Variants in CDK8 observed in about 807,000 individuals in gnomAD.
The protein encoded by CDK8 is cyclin dependent kinase 8, also known as cyclin-dependent kinase 8.
CDK8 carries 29 observed loss-of-function variants against 71.5 expected under a neutral mutation model. The ratio of observed to expected loss-of-function variants is 0.41; its 90% CI spans 0.30 to 0.55. The LOEUF (loss-of-function observed/expected upper bound fraction) is 0.55. Among genes scored for constraint, CDK8 ranks in the 20% least tolerant of loss-of-function variants. CDK8 has a pLI of 0.37. For synonymous variants in CDK8, 161 were observed against 192.1 expected, an observed-to-expected ratio of 0.84 and a Z score of 1.34; for missense variants, 288 against 572.6, an observed-to-expected ratio of 0.50 and a Z score of 5.07.
In CDK8 at chr13:26,336,622, C is replaced by T. The variant is rs541421540; in HGVS notation, c.129-945C>T. Among the ~76,000 whole-genome samples, 38 of 144,332 alleles carry T rather than the reference C, an allele frequency of 2.6e-4. 1 individual carries two copies. In the South Asian group the frequency reaches 4.3e-3, roughly 16 times the overall value. The allele number at this position is 144,332 out of a possible 152,430, so 94.7% of individuals were successfully genotyped here. A position where few individuals can be genotyped will look rare whatever the true frequency, so the allele number is the denominator to read the frequency against. On this transcript the variant is annotated intron_variant, in intron 1 of 12. Transcript: ENST00000381527. ...AGGCTGGACTGCAGTGGCGTGATCT[C>T]GGCTCACTGCAAGCTCCACCTCCTG...
At chr13:26,384,795 A>G (rs1166695101) in intron 5 of CDK8, among the ~76,000 whole-genome samples, 3 of 152,222 alleles carry the variant, frequency 2.0e-5, no homozygotes, top group Admixed American at 2.0e-4. Flanking sequence ...CTTCTGATTA[A>G]TTATACCAGT....
intron 1 of CDK8, among the ~76,000 whole-genome samples, chr13:26,303,904 C>T (rs1196452621): frequency 6.6e-6 from 1 of 152,130 alleles, no homozygotes; most frequent in African/African-American, 2.4e-5. Flanking sequence ...CAGCTACACT[C>T]GATTTCTGTT....
At chr13:26,319,247 C>T (rs1474802128) in intron 1 of CDK8, among the ~76,000 whole-genome samples, 1 of 152,072 alleles carries the variant, frequency 6.6e-6, no homozygotes, top group Admixed American at 6.5e-5. Context: ...GTGGGTGGAT[C>T]ACCTGAGATC....
intron 4 of CDK8, among the ~76,000 whole-genome samples, chr13:26,380,334 C>G (rs1429614511): frequency 6.6e-6 from 1 of 152,068 alleles, no homozygotes; most frequent in African/African-American, 2.4e-5. Context: ...CACGCACCAC[C>G]ACGCCCAGCT....
intron 4 of CDK8, among the ~76,000 whole-genome samples, chr13:26,376,404 T>C (rs1328367810): frequency 6.6e-6 from 1 of 152,202 alleles, no homozygotes; most frequent in Non-Finnish European, 1.5e-5. Context: ...TTGTTTAAAC[T>C]GTTATAAAAT....
At chr13:26,358,475 A>G (rs7994787) in intron 4 of CDK8, among the ~76,000 whole-genome samples, 143,590 of 152,214 alleles carry the variant, frequency 0.94, 67,757 homozygotes, top group East Asian at 1. Context: ...ATTATAAAGA[A>G]GGGACTAAGT....
intron 1 of CDK8, among the ~76,000 whole-genome samples, chr13:26,263,749 CTT>C (rs577266586): frequency 3.5e-4 from 46 of 131,884 alleles, no homozygotes; most frequent in African/African-American, 1.0e-3. Flanking sequence ...AAAAGACTCC[CTT>C]TTTTTTTTTT....
intron 1 of CDK8, among the ~76,000 whole-genome samples, chr13:26,323,320 AGAGAGAGGGAGAGAGAGAGG>A (rs1352409870): frequency 1.4e-4 from 16 of 116,968 alleles, no homozygotes; most frequent in Admixed American, 4.0e-4. Context: ...AGAGAGAGAG[AGAGAGAGGGAGAGAGAGAGG>A]GAGAGGGAGA....
intron 1 of CDK8, among the ~76,000 whole-genome samples, chr13:26,312,272 A>T (rs2137932804): frequency 6.6e-6 from 1 of 152,288 alleles, no homozygotes; most frequent in East Asian, 1.9e-4. Context: ...AAGTTAATAA[A>T]AGCTGGCCAC....
chr13:26,332,633 G>C (rs1872809359), intron 1 of CDK8, among the ~76,000 whole-genome samples: 2 of 152,132 alleles, frequency 1.3e-5, no homozygotes, highest in Admixed American at 1.3e-4. Context: ...AGTGGTGAAA[G>C]TGAGCATCCT....
At chr13:26,341,948 G>A (rs1873258725) in intron 2 of CDK8, among the ~76,000 whole-genome samples, 1 of 151,548 alleles carries the variant, frequency 6.6e-6, no homozygotes, top group South Asian at 2.1e-4. Context: ...TTGAGACGAA[G>A]TCTCGCTCTT....
rs368973477 is a variant in CDK8 at position 26,311,616 on chromosome 13, C to T, written c.129-25951C>T. Among the ~76,000 whole-genome samples, 31 of 152,296 alleles carry T rather than the reference C, an allele frequency of 2.0e-4. No homozygotes were observed. The East Asian group carries it at 4.8e-3, about 24-fold the overall frequency. On this transcript the variant is annotated intron_variant, in intron 1 of 12. Transcript: ENST00000381527. Reference sequence around the variant, plus strand: ...AACTTAATCCAGAGAACAAGTCTTTCTCATGGATACAAAATAGTTACCACA... The same window carrying T: ...AACTTAATCCAGAGAACAAGTCTTTTTCATGGATACAAAATAGTTACCACA...
chr13:26,357,279 G>A (rs183429045), intron 4 of CDK8, among the ~76,000 whole-genome samples: 39 of 152,288 alleles, frequency 2.6e-4, no homozygotes, highest in Admixed American at 1.8e-3. Flanking sequence ...GCTGAGAGTC[G>A]TAATCAGTGT....
chr13:26,266,240 A>G (rs757883553), intron 1 of CDK8, among the ~76,000 whole-genome samples: 8 of 152,174 alleles, frequency 5.3e-5, no homozygotes, highest in Non-Finnish European at 7.4e-5. Flanking sequence ...AGATATGTAA[A>G]TTTAATGCTC....
chr13:26,364,344 A>G (rs1874283090), intron 4 of CDK8, among the ~76,000 whole-genome samples: 1 of 152,164 alleles, frequency 6.6e-6, no homozygotes, highest in Non-Finnish European at 1.5e-5. Context: ...TATATTTGTC[A>G]TTATTGTCAT....
chr13:26,348,342 G>T (rs986689816), intron 2 of CDK8, among the ~76,000 whole-genome samples: 2 of 152,126 alleles, frequency 1.3e-5, no homozygotes, highest in Non-Finnish European at 2.9e-5. Context: ...GAATTGGGCC[G>T]TACAGCAGGA....
chr13:26,393,640 A>G (rs981818981), intron 7 of CDK8, 130 bp downstream of exon 7: 1 of 905,948 alleles, frequency 1.1e-6, no homozygotes, highest in Non-Finnish European at 1.7e-6. Context: ...TTTGACTTGC[A>G]TTTATCAAAG....
chr13:26,259,888 A>C (rs1249017240), intron 1 of CDK8, among the ~76,000 whole-genome samples: 1 of 152,204 alleles, frequency 6.6e-6, no homozygotes, highest in Non-Finnish European at 1.5e-5. Flanking sequence ...GGAGATAACT[A>C]CTGGGGAAAC....
chr13:26,309,140 GA>G (rs1874171233), intron 1 of CDK8, among the ~76,000 whole-genome samples: 1 of 85,226 alleles, frequency 1.2e-5, no homozygotes, highest in Non-Finnish European at 2.1e-5. Context: ...TATGTATATA[GA>G]TTTTTTTTTT....
Sources: gnomAD v4.1 joint callset for allele counts (sites outside exome capture counted in the v4.1 genomes callset) on GRCh38, gnomAD v4.1.1 for gene constraint, MANE v1.5 for transcripts, NCBI Gene and HGNC (gene_info 2026-07-23, HGNC 2026-07-21) for gene names.